EPB41: variants seen among roughly 807,000 people sequenced by gnomAD.
EPB41 encodes the protein protein 4.1.
Under a neutral mutation model 108.0 loss-of-function variants are expected in EPB41, and 65 were observed. The ratio of observed to expected loss-of-function variants is 0.60; its 90% confidence interval spans 0.49 to 0.74. The LOEUF (loss-of-function observed/expected upper bound fraction) is 0.74. EPB41 is among the 30% of genes least tolerant of loss of function. The pLI, the probability that EPB41 is intolerant of heterozygous loss-of-function variation, is 0.00. For synonymous variants in EPB41, 336 were observed against 358.9 expected (o/e 0.94, Z 0.72); for missense variants, 875 against 1,037.0 (o/e 0.84, Z 2.15).
At chr1:28,899,813 G>A (rs1212601410) in intron 1 of EPB41, among the ~76,000 whole-genome samples, 3 of 152,268 alleles carry the variant, frequency 2.0e-5, no homozygotes, top group South Asian at 2.1e-4. Flanking sequence ...TGAGGTCAGA[G>A]GTTTCTACTA....
At chr1:29,114,636 TAAAAAA>T (rs62666661) in intron 19 of EPB41, among the ~76,000 whole-genome samples, 2 of 77,742 alleles carry the variant, frequency 2.6e-5, no homozygotes, top group South Asian at 9.6e-4. Context: ...AGACTCCGTC[TAAAAAA>T]AAAAAAAAAA....
chr1:28,916,961 CTT>C, intron 1 of EPB41, among the ~76,000 whole-genome samples: 1 of 151,834 alleles, frequency 6.6e-6, no homozygotes, highest in South Asian at 2.1e-4. Flanking sequence ...TGGCTAATGT[CTT>C]TTTATTTTTT....
chr1:29,064,693 A>T (rs1429134020), intron 15 of EPB41, among the ~76,000 whole-genome samples: 1 of 152,200 alleles, frequency 6.6e-6, no homozygotes, highest in Admixed American at 6.5e-5. Flanking sequence ...CTGTGTCATA[A>T]TGGGAAGAAG....
intron 3 of EPB41, among the ~76,000 whole-genome samples, chr1:28,996,458 A>G (rs1171430706): frequency 6.6e-6 from 1 of 152,212 alleles, no homozygotes; most frequent in Non-Finnish European, 1.5e-5. Flanking sequence ...TCTGAAAATG[A>G]TAGAGTCTAA....
chr1:29,011,891 A>T lies in EPB41; in HGVS notation c.813A>T (p.Ile271=), dbSNP rs1446692639. Reference sequence around the variant, plus strand: ...CATGGCTGGATTCCGCCAAAGAAATAAAAAAGCAGGTTCGTGGTAAGTGGA... The same window carrying T: ...CATGGCTGGATTCCGCCAAAGAAATTAAAAAGCAGGTTCGTGGTAAGTGGA... ...SKTWLDSAKE[I]KKQVRGVPWN... Residue 271 remains isoleucine, a synonymous_variant, in exon 5 of 21, where the codon ATA becomes ATT. Coordinates refer to ENST00000343067, the MANE Select transcript of EPB41 (RefSeq NM_001376013.1). 6.2e-7 allele frequency: 1 copy of T among 1,614,110 alleles called. No homozygotes were observed. The highest frequency in any genetic ancestry group is 1.7e-5 in the Admixed American group (1 of 60,024).
intron 1 of EPB41, among the ~76,000 whole-genome samples, chr1:28,984,762 A>G (rs2095837068): frequency 6.6e-6 from 1 of 151,234 alleles, no homozygotes; most frequent in African/African-American, 2.4e-5. Context: ...GATTCAAGTG[A>G]TTCTTCTGCC....
intron 1 of EPB41, among the ~76,000 whole-genome samples, chr1:28,953,599 G>GCATA (rs2094829031): frequency 6.6e-6 from 1 of 152,198 alleles, no homozygotes; most frequent in Non-Finnish European, 1.5e-5. Context: ...ATGTATGAAT[G>GCATA]CATACATGCA....
intron 16 of EPB41, among the ~76,000 whole-genome samples, chr1:29,091,789 A>G (rs535949619): frequency 1.9e-4 from 29 of 152,186 alleles, no homozygotes; most frequent in African/African-American, 6.7e-4. Flanking sequence ...CCTAAGTCAT[A>G]TTTGTTATCA....
chr1:28,954,405 T>C (rs1557801088), intron 1 of EPB41, among the ~76,000 whole-genome samples: 1 of 152,280 alleles, frequency 6.6e-6, no homozygotes, highest in African/African-American at 2.4e-5. Context: ...CAAAGGAAAA[T>C]TGAAAATAGT....
At chr1:29,005,345 C>T (rs1298100509) in intron 4 of EPB41, among the ~76,000 whole-genome samples, 1 of 152,146 alleles carries the variant, frequency 6.6e-6, no homozygotes, top group East Asian at 1.9e-4. Flanking sequence ...CCAGTCATCT[C>T]CCACCAAGCC....
chr1:29,070,497 A>C (rs1650817168), intron 16 of EPB41: 2 of 1,232,160 alleles, frequency 1.6e-6, no homozygotes, highest in Non-Finnish European at 1.0e-6. Context: ...CCTGAGGATC[A>C]CAAGTCTCTC....
At chr1:29,002,846 A>G (rs1333676997) in intron 4 of EPB41, among the ~76,000 whole-genome samples, 1 of 152,232 alleles carries the variant, frequency 6.6e-6, no homozygotes, top group East Asian at 1.9e-4. Context: ...AGTAATAGGA[A>G]AAAGCTGATT....
In EPB41 at chr1:28,997,277, A is replaced by C. The variant is rs1557964296; in HGVS notation, c.744A>C (p.Glu248Asp). Residue 248 changes from glutamate to aspartate, a missense_variant, in exon 4 of 21, where the codon GAA becomes GAC. Glu to Asp is a conservative substitution (Grantham distance 45, BLOSUM62 2). Around this residue, in one of 3 missense-constraint regions of EPB41, gnomAD observed 353 missense variants for 393.2 expected, o/e 0.90. Transcript: ENST00000343067. Reference sequence around the variant, plus strand: ...GTGAGCATCTCAATCTTTTGGAAGAAGACTATTTTGGTCTAGCCATTTGGG... The same window carrying C: ...GTGAGCATCTCAATCTTTTGGAAGACGACTATTTTGGTCTAGCCATTTGGG... ...RVCEHLNLLE[E>D]DYFGLAIWDN... is the part of the protein sequence containing the mutation. The C allele has an allele frequency of 1.9e-6, 3 of 1,614,194 alleles. No homozygotes were observed. Among genetic ancestry groups the C allele is most frequent in the Non-Finnish European group, 2.5e-6 (3 of 1,179,992 alleles).
intron 1 of EPB41, among the ~76,000 whole-genome samples, chr1:28,944,534 G>GTTTTTTTTTTTTTTTTTTTTTTTTT (rs55849161): frequency 2.1e-5 from 2 of 97,400 alleles, no homozygotes; most frequent in Non-Finnish European, 2.0e-5. Flanking sequence ...CTCAGATCTG[G>GTTTTTTTTTTTTTTTTTTTTTTTTT]TTTTTTTTTT....
intron 16 of EPB41, among the ~76,000 whole-genome samples, chr1:29,087,407 G>A (rs1346434368): frequency 1.3e-5 from 2 of 151,862 alleles, no homozygotes; most frequent in Admixed American, 1.3e-4. Flanking sequence ...TTGTTGCCCA[G>A]GCTGGAGTGC....
At chr1:28,950,733 G>A (rs1214954369) in intron 1 of EPB41, among the ~76,000 whole-genome samples, 1 of 152,200 alleles carries the variant, frequency 6.6e-6, no homozygotes, top group African/African-American at 2.4e-5. Flanking sequence ...ATAATTAAGA[G>A]CAGATTGTTT....
At chr1:29,014,757 G>C (rs1391628199) in intron 5 of EPB41, among the ~76,000 whole-genome samples, 1 of 152,154 alleles carries the variant, frequency 6.6e-6, no homozygotes, top group Non-Finnish European at 1.5e-5. Flanking sequence ...ACACACACAC[G>C]TGAACGTGTG....
intron 7 of EPB41, among the ~76,000 whole-genome samples, chr1:29,022,509 T>G (rs1572613792): frequency 6.6e-6 from 1 of 151,678 alleles, no homozygotes; most frequent in Non-Finnish European, 1.5e-5. Flanking sequence ...GATCACAAGG[T>G]CAGGAGTTTG....
At chr1:28,898,107 T>C (rs1444473579) in intron 1 of EPB41, among the ~76,000 whole-genome samples, 1 of 152,090 alleles carries the variant, frequency 6.6e-6, no homozygotes, top group East Asian at 1.9e-4. Context: ...GCACTGTCGT[T>C]GGTGTGGCTG....
Sources: allele counts gnomAD v4.1 joint callset (sites outside exome capture counted in the v4.1 genomes callset), GRCh38; gene constraint gnomAD v4.1.1; regional missense constraint gnomAD v4.1.1; transcripts MANE v1.5; gene names NCBI Gene and HGNC (gene_info 2026-07-23, HGNC 2026-07-21).